The following FSTL5 variants were observed in gnomAD, a reference collection of about 807,000 sequenced individuals.
FSTL5 encodes the protein follistatin-related protein 5.
Under a neutral mutation model 89.1 loss-of-function variants are expected in FSTL5, and 62 were observed. The observed-to-expected ratio is 0.70, with a 90% confidence interval of 0.57 to 0.86. FSTL5 has a LOEUF of 0.86. FSTL5 is among the 40% of genes least tolerant of loss of function. The pLI, the probability that FSTL5 is intolerant of heterozygous loss-of-function variation, is 0.00. For synonymous variants in FSTL5, 383 were observed against 346.2 expected, an observed-to-expected ratio of 1.11 and a Z score of -1.18; for missense variants, 1,057 against 1,001.6, an observed-to-expected ratio of 1.06 and a Z score of -0.75.
chr4:161,930,829 TTTGGAATAA>T (rs1734265695), intron 3 of FSTL5, among the ~76,000 whole-genome samples: 1 of 151,948 alleles, frequency 6.6e-6, no homozygotes, highest in Non-Finnish European at 1.5e-5. Flanking sequence ...AGCTTAGGTG[TTTGGAATAA>T]TTGCAAGCTT....
Position 161,465,452 on chromosome 4 carries a change from G to A in FSTL5, c.1609-6133C>T, listed in dbSNP as rs570105568. Among the ~76,000 whole-genome samples the A allele has an allele frequency of 2.5e-4, 38 of 152,116 alleles. No homozygotes were observed. In the South Asian group the frequency reaches 7.9e-3, roughly 32 times the overall value. The stretch of plus-strand genomic sequence containing the variant: ...ATATAATGCTCATTTATTGCTTACT[G>A]TAATTTACATTAAAAAAATAAAGAT... On this transcript the variant is annotated intron_variant, in intron 13 of 15. Transcript: ENST00000306100.
chr4:162,126,289 C>A (rs972991642), intron 1 of FSTL5, among the ~76,000 whole-genome samples: 1 of 151,886 alleles, frequency 6.6e-6, no homozygotes, highest in Admixed American at 6.6e-5. Context: ...TTTTGACTAG[C>A]CCTTAATATT....
intron 4 of FSTL5, among the ~76,000 whole-genome samples, chr4:161,790,141 T>G (rs1006776486): frequency 7.2e-5 from 11 of 152,198 alleles, no homozygotes; most frequent in African/African-American, 2.7e-4. Context: ...TACAAGGCCA[T>G]AGAGTAAACA....
chr4:161,889,400 C>T (rs1368224075), intron 4 of FSTL5, among the ~76,000 whole-genome samples: 1 of 152,054 alleles, frequency 6.6e-6, no homozygotes, highest in African/African-American at 2.4e-5. Flanking sequence ...CCCAGAACTT[C>T]TGGAGGCCGT....
At chr4:161,841,356 C>T (rs1298077612) in intron 4 of FSTL5, among the ~76,000 whole-genome samples, 1 of 152,142 alleles carries the variant, frequency 6.6e-6, no homozygotes, top group Non-Finnish European at 1.5e-5. Flanking sequence ...ATTGAAAATA[C>T]ATATTTGTAG....
At chr4:161,991,406 C>G (rs966699671) in intron 3 of FSTL5, among the ~76,000 whole-genome samples, 2 of 152,040 alleles carry the variant, frequency 1.3e-5, no homozygotes, top group Non-Finnish European at 2.9e-5. Context: ...CAGGTCAATA[C>G]TTCTGCTGGA....
At chr4:161,387,321 A>G (rs1366301612) in intron 15 of FSTL5, 2 of 152,050 alleles carry the variant, frequency 1.3e-5, no homozygotes, top group African/African-American at 4.8e-5. Flanking sequence ...TGCATTAACA[A>G]TATTGATTGT....
chr4:161,602,657 C>T (rs1425483462), intron 7 of FSTL5, among the ~76,000 whole-genome samples: 4 of 152,006 alleles, frequency 2.6e-5, no homozygotes, highest in African/African-American at 2.4e-5. Flanking sequence ...ACATTACATA[C>T]AGAAGGGCAA....
In FSTL5 at chr4:161,920,601, C is replaced by A. The variant is rs190180975; in HGVS notation, c.212G>T (p.Gly71Val). The change falls in exon 4 of 16, where the codon GGT becomes GTT. Residue 71 changes from glycine to valine, a missense_variant. Physicochemically the swap from Gly to Val is moderately radical, Grantham distance 109 (BLOSUM62 -3). This residue lies in a region of FSTL5 where 980 missense variants were observed against 903.2 expected (regional missense o/e 1.08). Transcript: ENST00000306100. ...GCTGGTAACACAGTGTCTTCCCAAA[C>A]CACAGTACTTATTTTCACAAGATCC... is the stretch of plus-strand genomic sequence containing the variant. ...PFGSCENKYC[G>V]LGRHCVTSRE... 25 of 1,613,756 alleles carry A rather than the reference C, an allele frequency of 1.5e-5. No homozygotes were observed. In the African/African-American group the frequency reaches 3.2e-4, roughly 21 times the overall value.
At chr4:161,711,850 TC>T (rs1738791938) in intron 6 of FSTL5, among the ~76,000 whole-genome samples, 1 of 152,160 alleles carries the variant, frequency 6.6e-6, no homozygotes, top group African/African-American at 2.4e-5. Flanking sequence ...ATATAGTGTA[TC>T]ATATCAATAG....
At chr4:161,508,645 C>A (rs1246609799) in intron 11 of FSTL5, among the ~76,000 whole-genome samples, 1 of 151,760 alleles carries the variant, frequency 6.6e-6, no homozygotes, top group East Asian at 1.9e-4. Flanking sequence ...CTATTCTATA[C>A]TTTAGAGGGT....
Position 162,059,689 on chromosome 4 carries a change from T to C in FSTL5, c.127-26031A>G, listed in dbSNP as rs149792245. 7.3e-4 allele frequency among the ~76,000 whole-genome samples: 111 copies of C among 152,234 alleles called. 1 individual carries two copies. Among genetic ancestry groups the C allele is most frequent in the African/African-American group, 2.6e-3 (109 of 41,540 alleles). ...CACAGTGGAATAGAAATGTTAATAA[T>C]AGTCTATAAATAGCATAATCTATAA... On this transcript the variant is annotated intron_variant, in intron 2 of 15. Coordinates refer to ENST00000306100, the MANE Select transcript of FSTL5 (RefSeq NM_020116.5).
chr4:161,423,323 T>G (rs1732051060), intron 15 of FSTL5, among the ~76,000 whole-genome samples: 1 of 152,178 alleles, frequency 6.6e-6, no homozygotes, highest in African/African-American at 2.4e-5. Context: ...TGAAGAGTAA[T>G]TTTTAGTAAA....
chr4:161,490,816 G>C (rs576496034), intron 12 of FSTL5, among the ~76,000 whole-genome samples: 1 of 151,894 alleles, frequency 6.6e-6, no homozygotes, highest in African/African-American at 2.4e-5. Context: ...AAAGAGCTTC[G>C]CATTTGATTT....
chr4:161,534,122 C>G (rs1158354312), intron 10 of FSTL5, among the ~76,000 whole-genome samples: 1 of 152,102 alleles, frequency 6.6e-6, no homozygotes, highest in Non-Finnish European at 1.5e-5. Flanking sequence ...CAGCCAACAT[C>G]ATACTGAATG....
intron 15 of FSTL5, among the ~76,000 whole-genome samples, chr4:161,393,384 T>C (rs1395655770): frequency 1.3e-5 from 2 of 151,252 alleles, no homozygotes. Flanking sequence ...ATGAAGGAAA[T>C]GGAGAGAAAA....
intron 4 of FSTL5, among the ~76,000 whole-genome samples, chr4:161,781,277 T>G (rs548957273): frequency 6.6e-6 from 1 of 151,938 alleles, no homozygotes; most frequent in African/African-American, 2.4e-5. Flanking sequence ...GTAGTGAAAC[T>G]ATGTATATGA....
intron 4 of FSTL5, among the ~76,000 whole-genome samples, chr4:161,898,176 T>C (rs1180765853): frequency 6.7e-6 from 1 of 148,924 alleles, no homozygotes; most frequent in Non-Finnish European, 1.5e-5. Flanking sequence ...GATGTGTATA[T>C]ATAAATATAT....
rs952114143 is a variant in FSTL5, at chr4:161,571,107, T to TA, written c.1015+16347dup. Among the ~76,000 whole-genome samples, 1,257 of 145,712 alleles carry TA rather than the reference T, an allele frequency of 8.6e-3. 11 individuals carry two copies. The highest frequency in any genetic ancestry group is 0.03 in the African/African-American group (1,176 of 39,792). On this transcript the variant is annotated intron_variant, in intron 8 of 15. Coordinates refer to ENST00000306100, the MANE Select transcript of FSTL5 (RefSeq NM_020116.5). ...CTGGGTGACAGAGCAAGACTCCGTT[T>TA]AAAAAAAAAAATAGACTCCAAGGGA...
Sources: gnomAD v4.1 joint callset for allele counts (sites outside exome capture counted in the v4.1 genomes callset) on GRCh38, gnomAD v4.1.1 for gene constraint, gnomAD v4.1.1 regional missense constraint, MANE v1.5 for transcripts, NCBI Gene and HGNC (gene_info 2026-07-23, HGNC 2026-07-21) for gene names.